The following FAM135B variants were observed in gnomAD, a reference collection of about 807,000 sequenced individuals.
FAM135B encodes family with sequence similarity 135 member B, also known as protein FAM135B.
FAM135B carries 43 observed loss-of-function variants against 127.7 expected under a neutral mutation model. That is an observed-to-expected ratio of 0.34 (90% CI 0.26 to 0.43). The LOEUF (loss-of-function observed/expected upper bound fraction) is 0.43. FAM135B is among the 20% of genes least tolerant of loss of function. The pLI is 1.00. For synonymous variants in FAM135B, 670 were observed against 665.1 expected, an observed-to-expected ratio of 1.01 and a Z score of -0.11; for missense variants, 1,558 against 1,725.6, an observed-to-expected ratio of 0.90 and a Z score of 1.72.
At chr8:138,330,046 G>T (rs1027717678) in intron 2 of FAM135B, among the ~76,000 whole-genome samples, 1 of 152,140 alleles carries the variant, frequency 6.6e-6, no homozygotes, top group Non-Finnish European at 1.5e-5. Flanking sequence ...CAAGCTGTCT[G>T]ATGGGCTTGT....
chr8:138,311,487 T>A (rs1416343838), intron 2 of FAM135B, among the ~76,000 whole-genome samples: 1 of 152,208 alleles, frequency 6.6e-6, no homozygotes, highest in Non-Finnish European at 1.5e-5. Context: ...TGATGTCAGT[T>A]AACTCTCTAA....
chr8:138,232,031 G>T (rs1212406774), intron 7 of FAM135B, among the ~76,000 whole-genome samples: 3 of 152,218 alleles, frequency 2.0e-5, no homozygotes, highest in African/African-American at 2.4e-5. Flanking sequence ...ATTAAGAAAA[G>T]AAGAAGAAAC....
At position 138,132,852 on chromosome 8, in the gene FAM135B, C is replaced by T. The variant is rs1369767888; in HGVS notation, c.4016-54G>A. The T allele has an allele frequency of 6.6e-7, 1 of 1,523,534 alleles. No homozygotes were observed. Among genetic ancestry groups the T allele is most frequent in the Non-Finnish European group, 9.1e-7 (1 of 1,099,386 alleles). The allele number at this position is 1,523,534 out of a possible 1,614,324, so 94.4% of individuals were successfully genotyped here. On this transcript the variant is annotated intron_variant, in intron 19 of 19. Transcript: ENST00000395297. This position sits in a 1 kb window ranked among gnomAD's most constrained non-coding sequence, Gnocchi z 4.5. ...CTGGTGCAGAAATTAGCAGTGGAAT[C>T]TAGAGAACATCACTAGATGTGTGTC...
chr8:138,411,880 C>A (rs1388322114), intron 1 of FAM135B, among the ~76,000 whole-genome samples: 1 of 152,194 alleles, frequency 6.6e-6, no homozygotes, highest in Admixed American at 6.5e-5. Flanking sequence ...AAATACTCTG[C>A]AGCCATAAAG....
chr8:138,376,294 TCTCA>T (rs1305205219), intron 1 of FAM135B, among the ~76,000 whole-genome samples: 1 of 152,118 alleles, frequency 6.6e-6, no homozygotes, highest in Non-Finnish European at 1.5e-5. Flanking sequence ...AGTTGTCAGT[TCTCA>T]CTATCATTAG....
chr8:138,396,689 T>C (rs1007027166), intron 1 of FAM135B, among the ~76,000 whole-genome samples: 3 of 152,164 alleles, frequency 2.0e-5, no homozygotes, highest in African/African-American at 7.2e-5. Flanking sequence ...GGGATGCAGA[T>C]CTTCCCTGAA....
intron 9 of FAM135B, among the ~76,000 whole-genome samples, chr8:138,179,228 C>T (rs988592601): frequency 6.6e-6 from 1 of 152,182 alleles, no homozygotes; most frequent in Admixed American, 6.5e-5. Context: ...CAGCTGGAAA[C>T]CTTTTACTCA....
At chr8:138,493,749 T>A (rs572976922) in intron 1 of FAM135B, among the ~76,000 whole-genome samples, 1 of 152,320 alleles carries the variant, frequency 6.6e-6, no homozygotes, top group South Asian at 2.1e-4. Context: ...AGTATTAATA[T>A]TTTACAGTTA....
intron 2 of FAM135B, among the ~76,000 whole-genome samples, chr8:138,348,035 A>G (rs16908884): frequency 0.39 from 59,519 of 151,120 alleles, 12,162 homozygotes; most frequent in East Asian, 0.66. Flanking sequence ...CAGTGGTTCA[A>G]ATATGTACAA....
At chr8:138,463,128 T>G (rs1458498713) in intron 1 of FAM135B, among the ~76,000 whole-genome samples, 1 of 152,228 alleles carries the variant, frequency 6.6e-6, no homozygotes, top group Non-Finnish European at 1.5e-5. Context: ...TTTCTATTCC[T>G]AAATTTTTGG....
intron 3 of FAM135B, among the ~76,000 whole-genome samples, chr8:138,276,008 T>A (rs1281377279): frequency 6.6e-6 from 1 of 152,190 alleles, no homozygotes; most frequent in Non-Finnish European, 1.5e-5. Flanking sequence ...TGAGGCTGTC[T>A]CTATTTCCCG....
At chr8:138,358,554 A>G (rs1351296065) in intron 2 of FAM135B, 1 of 152,202 alleles carries the variant, frequency 6.6e-6, no homozygotes, top group Non-Finnish European at 1.5e-5. Flanking sequence ...TGGACATTTA[A>G]TAGATTCTGC....
chr8:138,133,053 A>T (rs1226952316), intron 19 of FAM135B, among the ~76,000 whole-genome samples: 2 of 152,246 alleles, frequency 1.3e-5, no homozygotes, highest in African/African-American at 4.8e-5. Flanking sequence ...GGAAGTTATG[A>T]TAGCAGTGTT....
intron 6 of FAM135B, among the ~76,000 whole-genome samples, chr8:138,247,266 G>C (rs542877323): frequency 4.6e-5 from 7 of 152,202 alleles, no homozygotes; most frequent in Admixed American, 4.6e-4. Context: ...AGGGTGGAAT[G>C]ATATGGTTTG....
chr8:138,342,238 T>A (rs1262493821), intron 2 of FAM135B, among the ~76,000 whole-genome samples: 1 of 152,194 alleles, frequency 6.6e-6, no homozygotes, highest in Admixed American at 6.5e-5. Flanking sequence ...GATTCAATTC[T>A]AGAGCACTCT....
chr8:138,254,557 C>A (rs1229470211), intron 5 of FAM135B, among the ~76,000 whole-genome samples: 1 of 152,148 alleles, frequency 6.6e-6, no homozygotes, highest in African/African-American at 2.4e-5. Context: ...AAAGTCAGGG[C>A]TTTACTTCTG....
intron 1 of FAM135B, among the ~76,000 whole-genome samples, chr8:138,486,737 G>A (rs1261813594): frequency 2.0e-5 from 3 of 152,124 alleles, no homozygotes; most frequent in Non-Finnish European, 2.9e-5. Context: ...TCTCTCTGAG[G>A]TTTCAACTGA....
At chr8:138,158,625 G>T (rs568689374) in intron 12 of FAM135B, among the ~76,000 whole-genome samples, 1 of 152,206 alleles carries the variant, frequency 6.6e-6, no homozygotes, top group African/African-American at 2.4e-5. Context: ...TCAAAAAGTG[G>T]GCAAAGGGTA....
intron 7 of FAM135B, among the ~76,000 whole-genome samples, chr8:138,218,136 T>C (rs1818715067): frequency 6.6e-6 from 1 of 152,172 alleles, no homozygotes; most frequent in Non-Finnish European, 1.5e-5. Flanking sequence ...AATGAGACTT[T>C]AGGGGAAAAT....
Sources: allele counts gnomAD v4.1 joint callset (sites outside exome capture counted in the v4.1 genomes callset), GRCh38; gene constraint gnomAD v4.1.1; non-coding constraint Gnocchi (gnomAD v3.1); transcripts MANE v1.5; gene names NCBI Gene and HGNC (gene_info 2026-07-23, HGNC 2026-07-21).